Variants in CDKN2B-AS1 observed in about 807,000 individuals in gnomAD.
The protein encoded by CDKN2B-AS1 is CDKN2B and CDKN2A antisense cis and trans regulatory RNA 1.
chr9:22,013,994 T>A (rs1331680862), intron 1 of CDKN2B-AS1, among the ~76,000 whole-genome samples: 2 of 152,172 alleles, frequency 1.3e-5, no homozygotes, highest in African/African-American at 4.8e-5. Context: ...ATAAGTGGGA[T>A]TACGTACTTT....
At chr9:22,018,611 C>T (rs1821884096) in intron 1 of CDKN2B-AS1, among the ~76,000 whole-genome samples, 1 of 152,192 alleles carries the variant, frequency 6.6e-6, no homozygotes, top group Admixed American at 6.5e-5. Context: ...TGCACTCGGG[C>T]CACTGCCGTC....
chr9:22,067,146 T>C (rs147986371), intron 4 of CDKN2B-AS1, among the ~76,000 whole-genome samples: 119 of 152,194 alleles, frequency 7.8e-4, no homozygotes, highest in Non-Finnish European at 1.3e-3. Context: ...CACACCAACA[T>C]AGCACATGTA....
At chr9:22,056,234 A>ATATATATT (rs777560826) in intron 3 of CDKN2B-AS1, 2 of 98,270 alleles carry the variant, frequency 2.0e-5, no homozygotes, top group Non-Finnish European at 2.0e-5. Context: ...ATATATATAT[A>ATATATATT]TTTTTTTTTT....
chr9:22,003,458 C>G (rs1448971910), intron 1 of CDKN2B-AS1: 1 of 227,180 alleles, frequency 4.4e-6, no homozygotes, highest in South Asian at 1.8e-4. Context: ...TTTTCATGAC[C>G]CAGTATAATG....
At chr9:22,004,556 C>G (rs1178411824) in intron 1 of CDKN2B-AS1, 2 of 232,374 alleles carry the variant, frequency 8.6e-6, no homozygotes, top group African/African-American at 2.2e-5. Flanking sequence ...AATTACCCAC[C>G]TCTTGGAGTT....
intron 4 of CDKN2B-AS1, among the ~76,000 whole-genome samples, chr9:22,102,449 A>T (rs1270019860): frequency 1.3e-5 from 2 of 152,234 alleles, no homozygotes; most frequent in Middle Eastern, 6.8e-3. Context: ...GTCTAAAATC[A>T]AGACTTCTGA....
intron 1 of CDKN2B-AS1, among the ~76,000 whole-genome samples, chr9:22,042,096 C>G (rs2131265888): frequency 6.6e-6 from 1 of 152,154 alleles, no homozygotes; most frequent in South Asian, 2.1e-4. Context: ...CGGGTGAGAT[C>G]ACTGCTAGCT....
chr9:22,074,648 G>T (rs1824425019), intron 4 of CDKN2B-AS1, among the ~76,000 whole-genome samples: 2 of 152,198 alleles, frequency 1.3e-5, no homozygotes. Flanking sequence ...AGTAGAGTGG[G>T]CTGGGGAGCG....
chr9:22,055,202 G>A (rs1209450767), intron 3 of CDKN2B-AS1, among the ~76,000 whole-genome samples: 1 of 152,104 alleles, frequency 6.6e-6, no homozygotes, highest in Non-Finnish European at 1.5e-5. Flanking sequence ...TTTGATATAT[G>A]TATACATTGT....
intron 1 of CDKN2B-AS1, among the ~76,000 whole-genome samples, chr9:22,024,858 G>C (rs1474609359): frequency 1.3e-5 from 2 of 152,180 alleles, no homozygotes; most frequent in Non-Finnish European, 2.9e-5. Context: ...GGTCAGGCAT[G>C]GCCCACTGGT....
intron 1 of CDKN2B-AS1, among the ~76,000 whole-genome samples, chr9:22,019,519 C>A (rs1047010756): frequency 2.0e-5 from 3 of 152,140 alleles, no homozygotes; most frequent in Non-Finnish European, 4.4e-5. Context: ...GGTTGGTGAT[C>A]ATGGTCACCA....
intron 4 of CDKN2B-AS1, among the ~76,000 whole-genome samples, chr9:22,078,866 G>C (rs1159472969): frequency 6.6e-6 from 1 of 152,178 alleles, no homozygotes; most frequent in East Asian, 1.9e-4. Context: ...TTGCTTAAGA[G>C]AGGAGCCATG....
At chr9:22,057,051 A>C (rs576230665) in intron 4 of CDKN2B-AS1, among the ~76,000 whole-genome samples, 55 of 152,288 alleles carry the variant, frequency 3.6e-4, no homozygotes, top group Non-Finnish European at 5.4e-4. Flanking sequence ...TTCTGAGTTT[A>C]CCTTTACCCG....
chr9:22,096,124 C>T (rs1372284913), intron 4 of CDKN2B-AS1, among the ~76,000 whole-genome samples: 1 of 152,046 alleles, frequency 6.6e-6, no homozygotes, highest in Non-Finnish European at 1.5e-5. Flanking sequence ...GGGAATAGCA[C>T]ATGTAAGGCA....
chr9:22,082,056 C>G (rs999212004), intron 4 of CDKN2B-AS1, among the ~76,000 whole-genome samples: 7 of 152,168 alleles, frequency 4.6e-5, no homozygotes, highest in Admixed American at 4.6e-4. Flanking sequence ...CCAGACCTAC[C>G]TATACTTAAG....
intron 4 of CDKN2B-AS1, among the ~76,000 whole-genome samples, chr9:22,057,338 G>A (rs113629357): frequency 1.3e-5 from 2 of 152,078 alleles, no homozygotes; most frequent in African/African-American, 4.8e-5. Context: ...ACATGTTCCT[G>A]TATATCTATT....
intron 4 of CDKN2B-AS1, among the ~76,000 whole-genome samples, chr9:22,115,853 G>A (rs138228691): frequency 1.3e-5 from 2 of 152,104 alleles, no homozygotes; most frequent in Non-Finnish European, 2.9e-5. Flanking sequence ...GATATGTAAT[G>A]AATTAGGATG....
chr9:22,005,839 G>C lies in CDKN2B-AS1; in HGVS notation n.29+10678G>C. The C allele has an allele frequency of 9.5e-7, 1 of 1,050,808 alleles. No individual in the cohort carries two copies. The highest frequency in any genetic ancestry group is 2.1e-5 in the Admixed American group (1 of 47,838). 65.1% of individuals were successfully genotyped at this position (1,050,808 alleles called of 1,614,324 possible). The stretch of plus-strand genomic sequence containing the variant: ...ATGTATGGAAGGTTATTCCCGGTCG[G>C]CTCCTCCTTCCTGTGAGTCTCAGAC... On this transcript the variant is annotated intron_variant and non_coding_transcript_variant, in intron 1 of 4. Coordinates refer to ENST00000650946, the Ensembl canonical transcript of CDKN2B-AS1. This position sits in a 1 kb window ranked among gnomAD's most constrained non-coding sequence, Gnocchi z 4.9.
At chr9:22,022,239 A>T (rs1435933286) in intron 1 of CDKN2B-AS1, among the ~76,000 whole-genome samples, 1 of 151,934 alleles carries the variant, frequency 6.6e-6, no homozygotes, top group Non-Finnish European at 1.5e-5. Context: ...TGATCTGTCT[A>T]ATATTCTCAC....
Sources: allele counts gnomAD v4.1 joint callset (sites outside exome capture counted in the v4.1 genomes callset), GRCh38; gene constraint gnomAD v4.1.1; non-coding constraint Gnocchi (gnomAD v3.1); transcripts MANE v1.5; gene names NCBI Gene and HGNC (gene_info 2026-07-23, HGNC 2026-07-21).